Variants in SYT1 observed in about 807,000 individuals in gnomAD.
SYT1 encodes the protein synaptotagmin 1.
Under a neutral mutation model 44.8 loss-of-function variants are expected in SYT1, and 8 were observed. That is an observed-to-expected ratio of 0.18 (90% CI 0.10 to 0.32). The LOEUF (loss-of-function observed/expected upper bound fraction) is 0.32. Ranked by LOEUF, SYT1 falls within the 10% of genes least tolerant of loss-of-function variation. SYT1 has a pLI of 1.00. For missense variants in SYT1, 286 were observed against 509.3 expected (o/e 0.56, Z 4.22); for synonymous variants, 154 against 188.8 (o/e 0.82, Z 1.51).
rs576823309 is a variant in SYT1, at chr12:79,115,829, G to A, written c.-18+68467G>A. On this transcript the variant is annotated intron_variant, in intron 3 of 10. Transcript: ENST00000261205. The stretch of plus-strand genomic sequence containing the variant: ...AGCATGCCATCCAGGCTCCATTCCA[G>A]GGCATGCCCTTCCACAGTTTAGGGT... Among the ~76,000 whole-genome samples, 3 of 152,228 alleles carry A rather than the reference G, an allele frequency of 2.0e-5. No individual in the cohort carries two copies. The East Asian group carries it at 5.8e-4, about 29-fold the overall frequency.
intron 3 of SYT1, among the ~76,000 whole-genome samples, chr12:79,178,961 GATATAGAT>G (rs369399562): frequency 0.15 from 2,900 of 19,490 alleles, 430 homozygotes; most frequent in African/African-American, 0.24. Flanking sequence ...TATAGATATA[GATATAGAT>G]ATATAGATAT....
At chr12:79,209,991 T>C (rs1049466396) in intron 3 of SYT1, among the ~76,000 whole-genome samples, 2 of 152,228 alleles carry the variant, frequency 1.3e-5, no homozygotes, top group African/African-American at 4.8e-5. Context: ...TTTTGCATGC[T>C]ATTGTTATAA....
At chr12:78,957,011 G>A (rs1413110976) in intron 1 of SYT1, among the ~76,000 whole-genome samples, 1 of 152,160 alleles carries the variant, frequency 6.6e-6, no homozygotes, top group Non-Finnish European at 1.5e-5. Flanking sequence ...AGAGGACTAA[G>A]GAGATAAGGT....
intron 3 of SYT1, among the ~76,000 whole-genome samples, chr12:79,084,935 G>A (rs1248927668): frequency 2.0e-5 from 3 of 151,962 alleles, no homozygotes; most frequent in African/African-American, 7.2e-5. Context: ...TGGAATATTT[G>A]ATATACATAA....
intron 3 of SYT1, among the ~76,000 whole-genome samples, chr12:79,088,303 C>A (rs1877521017): frequency 6.6e-6 from 1 of 151,996 alleles, no homozygotes; most frequent in African/African-American, 2.4e-5. Flanking sequence ...ATCTTCCTTA[C>A]CCCCTTCGGA....
At chr12:78,919,214 G>C (rs1427661146) in intron 1 of SYT1, among the ~76,000 whole-genome samples, 1 of 151,986 alleles carries the variant, frequency 6.6e-6, no homozygotes, top group Admixed American at 6.6e-5. Flanking sequence ...GTTGTGACAG[G>C]TATAAAAGTT....
chr12:78,910,990 C>A (rs2137126181), intron 1 of SYT1, among the ~76,000 whole-genome samples: 1 of 152,132 alleles, frequency 6.6e-6, no homozygotes. Flanking sequence ...CCAGATCATG[C>A]AGGGCCTTTT....
intron 8 of SYT1, 90 bp from the exon 9 acceptor site, chr12:79,353,412 C>A: frequency 1.0e-6 from 1 of 998,900 alleles, no homozygotes; most frequent in Non-Finnish European, 1.6e-6. Context: ...TCAACATAAT[C>A]CTCCTCTTGA....
Position 79,167,548 on chromosome 12 carries a change from A to G in SYT1, c.-17-49955A>G, listed in dbSNP as rs117368950. 7.4e-3 allele frequency among the ~76,000 whole-genome samples: 1,124 copies of G among 152,190 alleles called. 11 individuals are homozygous for G. The highest frequency in any genetic ancestry group is 0.04 in the South Asian group (194 of 4,828). Reference sequence around the variant, plus strand: ...ATTTGATAATACGAAGAATCACAGAATAAATATCAAATGACTTACCCTAGA... The same window carrying G: ...ATTTGATAATACGAAGAATCACAGAGTAAATATCAAATGACTTACCCTAGA... On this transcript the variant is annotated intron_variant, in intron 3 of 10. Coordinates refer to ENST00000261205, the MANE Select transcript of SYT1 (RefSeq NM_005639.3).
intron 3 of SYT1, among the ~76,000 whole-genome samples, chr12:79,157,610 T>C (rs767820008): frequency 3.3e-5 from 5 of 152,216 alleles, no homozygotes; most frequent in Non-Finnish European, 5.9e-5. Context: ...TAAATACTTA[T>C]GGAGTATTGG....
At chr12:79,433,054 A>AT (rs1056613058) in intron 9 of SYT1, among the ~76,000 whole-genome samples, 1 of 152,152 alleles carries the variant, frequency 6.6e-6, no homozygotes, top group Non-Finnish European at 1.5e-5. Flanking sequence ...AATGAGAGTG[A>AT]TTTTTTTCAC....
intron 9 of SYT1, among the ~76,000 whole-genome samples, chr12:79,374,506 T>C (rs1449561656): frequency 6.6e-6 from 1 of 152,196 alleles, no homozygotes; most frequent in Non-Finnish European, 1.5e-5. Context: ...TTCTAACAAA[T>C]GGTAATTTCT....
rs1873726511 is a variant in SYT1 at position 79,043,198 on chromosome 12, G to T, written c.-83-4099G>T. On this transcript the variant is annotated intron_variant, in intron 2 of 10. Coordinates refer to ENST00000261205, the MANE Select transcript of SYT1 (RefSeq NM_005639.3). ...GGTATCCTTGTTGACTTTCTGTCTT[G>T]TTGATCTGTCTAATGTTGACAGTGG... Among the ~76,000 whole-genome samples the T allele has an allele frequency of 3.3e-5, 5 of 150,104 alleles. No homozygotes were observed. The South Asian group carries it at 1.1e-3, about 32-fold the overall frequency.
At chr12:79,332,765 G>A (rs771839226) in intron 8 of SYT1, among the ~76,000 whole-genome samples, 39 of 152,100 alleles carry the variant, frequency 2.6e-4, no homozygotes, top group African/African-American at 5.3e-4. Flanking sequence ...TTTCAAATAC[G>A]TCATTTAGCT....
intron 1 of SYT1, among the ~76,000 whole-genome samples, chr12:78,876,661 G>GCACATGTGTACATGTGTGTATATATACA (rs1565697353): frequency 5.3e-5 from 6 of 113,736 alleles, no homozygotes; most frequent in South Asian, 2.4e-4. Context: ...ACACACGTGT[G>GCACATGTGTACATGTGTGTATATATACA]CACATGTGTA....
At chr12:79,034,842 C>T (rs1873028170) in intron 2 of SYT1, among the ~76,000 whole-genome samples, 2 of 151,566 alleles carry the variant, frequency 1.3e-5, no homozygotes, top group Admixed American at 6.6e-5. Context: ...TTGATATATG[C>T]CCTTTTGATA....
At chr12:79,029,512 C>T (rs1347800450) in intron 2 of SYT1, among the ~76,000 whole-genome samples, 3 of 151,090 alleles carry the variant, frequency 2.0e-5, no homozygotes, top group Non-Finnish European at 4.5e-5. Flanking sequence ...CTTCCAACCA[C>T]AAGGATTCAG....
chr12:79,196,170 TTGTTG>T (rs1384169023), intron 3 of SYT1, among the ~76,000 whole-genome samples: 4 of 69,780 alleles, frequency 5.7e-5, no homozygotes, highest in Non-Finnish European at 8.7e-5. Flanking sequence ...GTTGTTGTTG[TTGTTG>T]TTGTTGTTGT....
chr12:79,321,410 G>A (rs920162166), intron 8 of SYT1, among the ~76,000 whole-genome samples: 3 of 152,178 alleles, frequency 2.0e-5, no homozygotes, highest in Non-Finnish European at 4.4e-5. Flanking sequence ...TGAATATGGT[G>A]ACTTTTCCTT....
Sources: allele counts gnomAD v4.1 joint callset (sites outside exome capture counted in the v4.1 genomes callset), GRCh38; gene constraint gnomAD v4.1.1; transcripts MANE v1.5; gene names NCBI Gene and HGNC (gene_info 2026-07-23, HGNC 2026-07-21).